The following ELMO1 variants were observed in gnomAD, a reference collection of about 807,000 sequenced individuals.
ELMO1 encodes engulfment and cell motility 1.
A neutral mutation model predicts 98.9 loss-of-function variants in ELMO1; 26 were observed. That is an observed-to-expected ratio of 0.26 (90% confidence interval 0.19 to 0.36). The LOEUF (loss-of-function observed/expected upper bound fraction) is 0.36, where lower values mean the gene tolerates loss of function less well. ELMO1 is among the 10% of genes least tolerant of loss of function. The probability of loss-of-function intolerance (pLI) is 1.00; values close to 1 mark genes in which losing one functional copy is unlikely to be tolerated. For missense variants in ELMO1, 627 were observed against 935.2 expected (o/e 0.67, Z 4.30); for synonymous variants, 346 against 346.0 (o/e 1.00, Z 0.00).
At chr7:37,264,295 G>A (rs976708941) in intron 5 of ELMO1, among the ~76,000 whole-genome samples, 3 of 135,764 alleles carry the variant, frequency 2.2e-5, no homozygotes, top group Non-Finnish European at 3.2e-5. Flanking sequence ...ATATATGAAT[G>A]CATAAATGAA....
At chr7:36,882,230 ACACTT>A (rs1804527521) in intron 18 of ELMO1, among the ~76,000 whole-genome samples, 1 of 152,206 alleles carries the variant, frequency 6.6e-6, no homozygotes, top group Non-Finnish European at 1.5e-5. Flanking sequence ...TGTCTTTAGA[ACACTT>A]CCATTAGGAT....
At chr7:37,082,682 G>A (rs186619729) in intron 15 of ELMO1, among the ~76,000 whole-genome samples, 66 of 152,206 alleles carry the variant, frequency 4.3e-4, no homozygotes, top group Middle Eastern at 3.4e-3. Context: ...AGTGAGCTGT[G>A]ACTGCGTTAC....
At chr7:37,173,483 T>A (rs1002867040) in intron 13 of ELMO1, among the ~76,000 whole-genome samples, 1 of 152,246 alleles carries the variant, frequency 6.6e-6, no homozygotes, top group Admixed American at 6.5e-5. Context: ...TATAAGGGAA[T>A]TTATTTCAAA....
intron 4 of ELMO1, among the ~76,000 whole-genome samples, chr7:37,281,329 A>G (rs993718163): frequency 3.9e-5 from 6 of 152,176 alleles, no homozygotes; most frequent in Admixed American, 1.3e-4. Context: ...AATCACCACT[A>G]AAGAACTTAC....
At chr7:37,204,112 T>A (rs1244908828) in intron 13 of ELMO1, 2 of 456,444 alleles carry the variant, frequency 4.4e-6, no homozygotes, top group Admixed American at 4.7e-5. Flanking sequence ...TACTCACCAT[T>A]TGGCAATAGG....
At chr7:37,229,543 A>G (rs1342004132) in intron 8 of ELMO1, among the ~76,000 whole-genome samples, 3 of 152,200 alleles carry the variant, frequency 2.0e-5, no homozygotes, top group Non-Finnish European at 4.4e-5. Flanking sequence ...ATTTGGCATT[A>G]ATAGGAAGCC....
chr7:37,022,003 T>C (rs1261881857), intron 15 of ELMO1, among the ~76,000 whole-genome samples: 1 of 152,132 alleles, frequency 6.6e-6, no homozygotes, highest in African/African-American at 2.4e-5. Context: ...AAAATGACAC[T>C]GCAGTGGAAA....
intron 16 of ELMO1, among the ~76,000 whole-genome samples, chr7:36,918,110 G>A (rs1361462348): frequency 6.6e-6 from 1 of 152,178 alleles, no homozygotes; most frequent in Non-Finnish European, 1.5e-5. Context: ...GGAAATGGGT[G>A]TAGGGAATGG....
intron 2 of ELMO1, among the ~76,000 whole-genome samples, chr7:37,323,239 A>G (rs1306458429): frequency 6.6e-6 from 1 of 152,230 alleles, no homozygotes; most frequent in African/African-American, 2.4e-5. Flanking sequence ...AGGTGTCAAT[A>G]GCTACATTCA....
intron 16 of ELMO1, among the ~76,000 whole-genome samples, chr7:36,958,422 T>C (rs563217752): frequency 4.6e-5 from 7 of 152,226 alleles, no homozygotes; most frequent in Admixed American, 2.0e-4. Flanking sequence ...CAGACAACTA[T>C]GTACAGCTTC....
At chr7:37,037,447 G>A (rs776270046) in intron 15 of ELMO1, among the ~76,000 whole-genome samples, 2 of 152,160 alleles carry the variant, frequency 1.3e-5, no homozygotes, top group Non-Finnish European at 2.9e-5. Context: ...CAGAGGAGAT[G>A]GGAAAATAAT....
rs1217111170 is a variant in ELMO1, at chr7:37,267,011, TAAAA to T, written c.243+4817_243+4820del. On this transcript the variant is annotated intron_variant, in intron 5 of 21. Transcript: ENST00000310758. ...CTGGGCGACAGAGCAAGACTCCATC[TAAAA>T]AAAAAAAAAAAATATGTATATATAC... Among the ~76,000 whole-genome samples the T allele has an allele frequency of 7.5e-4, 51 of 67,798 alleles. 1 individual carries two copies. In the East Asian group the frequency reaches 0.012, roughly 16 times the overall value. The allele number at this position is 67,798 out of a possible 152,430, so 44.5% of individuals were successfully genotyped here.
At chr7:37,431,259 C>T (rs375106082) in intron 1 of ELMO1, among the ~76,000 whole-genome samples, 1 of 152,128 alleles carries the variant, frequency 6.6e-6, no homozygotes, top group Non-Finnish European at 1.5e-5. Context: ...ATGGCCTGAG[C>T]CCAGGAGTTC....
intron 1 of ELMO1, among the ~76,000 whole-genome samples, chr7:37,415,009 T>C (rs575732663): frequency 6.6e-6 from 1 of 152,384 alleles, no homozygotes; most frequent in African/African-American, 2.4e-5. Flanking sequence ...TCTAAGTTGA[T>C]TTGACCTTGG....
chr7:37,182,172 G>GC (rs1790907325), intron 13 of ELMO1, among the ~76,000 whole-genome samples: 1 of 152,200 alleles, frequency 6.6e-6, no homozygotes, highest in Non-Finnish European at 1.5e-5. Context: ...GGAAGGTGCT[G>GC]CCCCCTGGTG....
chr7:37,165,805 G>A (rs1485273917), intron 13 of ELMO1, among the ~76,000 whole-genome samples: 2 of 151,888 alleles, frequency 1.3e-5, no homozygotes, highest in African/African-American at 4.8e-5. Flanking sequence ...TCTCTTTTTT[G>A]GTTCTGTCTC....
chr7:37,121,229 C>T (rs2129288081), intron 14 of ELMO1, among the ~76,000 whole-genome samples: 1 of 152,300 alleles, frequency 6.6e-6, no homozygotes, highest in South Asian at 2.1e-4. Flanking sequence ...TCTCCTCCTC[C>T]AAAGGAACGC....
chr7:37,313,955 C>T (rs1351146333), intron 4 of ELMO1, among the ~76,000 whole-genome samples: 1 of 152,178 alleles, frequency 6.6e-6, no homozygotes, highest in Non-Finnish European at 1.5e-5. Flanking sequence ...TCCCTGCTGG[C>T]CCCCAAGATT....
At chr7:37,003,713 C>A (rs1792846097) in intron 16 of ELMO1, among the ~76,000 whole-genome samples, 1 of 152,222 alleles carries the variant, frequency 6.6e-6, no homozygotes, top group Non-Finnish European at 1.5e-5. Context: ...ATGATTTAGT[C>A]ATTAAATATA....
Sources: allele counts gnomAD v4.1 joint callset (sites outside exome capture counted in the v4.1 genomes callset), GRCh38; gene constraint gnomAD v4.1.1; transcripts MANE v1.5; gene names NCBI Gene and HGNC (gene_info 2026-07-23, HGNC 2026-07-21).